MYOCD: variants seen among roughly 807,000 people sequenced by gnomAD.
MYOCD encodes the protein myocardin.
A neutral mutation model predicts 96.1 loss-of-function variants in MYOCD; 32 were observed. The observed-to-expected ratio is 0.33, with a 90% CI of 0.25 to 0.45. The LOEUF (loss-of-function observed/expected upper bound fraction) is 0.45. Among genes scored for constraint, MYOCD ranks in the 20% least tolerant of loss-of-function variants. The probability of loss-of-function intolerance (pLI) is 1.00; values close to 1 mark genes in which losing one functional copy is unlikely to be tolerated. For missense variants in MYOCD, 1,133 were observed against 1,200.6 expected (o/e 0.94, Z 0.83); for synonymous variants, 469 against 469.0 (o/e 1.00, Z 0.00).
intron 10 of MYOCD, among the ~76,000 whole-genome samples, chr17:12,755,258 G>A (rs1452070293): frequency 1.3e-5 from 2 of 152,174 alleles, no homozygotes; most frequent in African/African-American, 4.8e-5. Context: ...TGCTAACGTT[G>A]CACAGTGATT....
At chr17:12,700,145 G>A (rs536926170) in intron 1 of MYOCD, among the ~76,000 whole-genome samples, 13 of 151,834 alleles carry the variant, frequency 8.6e-5, no homozygotes, top group African/African-American at 2.7e-4. Flanking sequence ...TCCTGACCTC[G>A]TGATCCACTC....
intron 1 of MYOCD, among the ~76,000 whole-genome samples, chr17:12,698,116 A>G (rs1358815333): frequency 6.6e-6 from 1 of 152,178 alleles, no homozygotes; most frequent in Non-Finnish European, 1.5e-5. Context: ...AGCCACCGCA[A>G]GATGCTATAC....
chr17:12,754,656 C>G (rs776165121), intron 10 of MYOCD, among the ~76,000 whole-genome samples: 34 of 152,282 alleles, frequency 2.2e-4, no homozygotes, highest in Non-Finnish European at 3.7e-4. Context: ...GCAAAGGTGA[C>G]TGACAAAGAC....
intron 2 of MYOCD, among the ~76,000 whole-genome samples, chr17:12,711,274 G>C (rs1053245388): frequency 6.6e-6 from 1 of 152,064 alleles, no homozygotes; most frequent in African/African-American, 2.4e-5. Context: ...TTTATAAGTG[G>C]GAAACTGAGA....
Position 12,744,399 on chromosome 17 carries a change from C to T in MYOCD, c.934C>T (p.Arg312Ter). The stretch of plus-strand genomic sequence containing the variant: ...CCAGCAGCAGCAGCAGCAGCAACAC[C>T]GATTCAGCTACCTAGGGATGCACCA... ...LSQQQQQQQH[R>*]FSYLGMHQAQ... The change falls in exon 8 of 14, where the codon CGA becomes TGA. Residue 312 changes from arginine to a stop codon, truncating the protein, a stop_gained. Transcript: ENST00000425538. LOFTEE classifies it high-confidence loss of function. 6.2e-7 allele frequency: 1 copy of T among 1,613,688 alleles called. No homozygotes were observed. Among genetic ancestry groups the T allele is most frequent in the Non-Finnish European group, 8.5e-7 (1 of 1,179,774 alleles).
At chr17:12,716,654 A>C (rs1180084209) in intron 3 of MYOCD, among the ~76,000 whole-genome samples, 4 of 152,028 alleles carry the variant, frequency 2.6e-5, no homozygotes, top group African/African-American at 9.7e-5. Flanking sequence ...CAATGTTTTA[A>C]CTCTGGTCTT....
chr17:12,690,715 C>CTAAA (rs10689962), intron 1 of MYOCD, among the ~76,000 whole-genome samples: 10,226 of 152,172 alleles, frequency 0.067, 536 homozygotes, highest in Admixed American at 0.14. Context: ...ACATACTAGA[C>CTAAA]TATAGTCTCC....
intron 9 of MYOCD, among the ~76,000 whole-genome samples, chr17:12,751,536 T>C (rs1263095789): frequency 1.3e-5 from 2 of 152,208 alleles, no homozygotes; most frequent in African/African-American, 4.8e-5. Context: ...GATAAGATAA[T>C]TACAAGTGAA....
At chr17:12,758,047 A>G (rs779178760) in intron 11 of MYOCD, 38 bp from the exon 12 acceptor site, 5 of 1,446,352 alleles carry the variant, frequency 3.5e-6, no homozygotes, top group Non-Finnish European at 4.9e-6. Context: ...TTTCAGATCC[A>G]TGAATTCAAT....
At chr17:12,711,562 G>C (rs2031480386) in intron 2 of MYOCD, among the ~76,000 whole-genome samples, 1 of 152,134 alleles carries the variant, frequency 6.6e-6, no homozygotes, top group African/African-American at 2.4e-5. Context: ...TTACCAGCTA[G>C]TGCTTGTTGA....
At chr17:12,717,529 T>A in intron 4 of MYOCD, 108 bp downstream of exon 4, 1 of 887,690 alleles carries the variant, frequency 1.1e-6, no homozygotes, top group Non-Finnish European at 1.7e-6. Flanking sequence ...AAATCTCCCT[T>A]GCCGTTACAA....
Position 12,716,985 on chromosome 17 carries a change from CAAAAAAAAAAAAAAAAAAA to C in MYOCD, c.178-344_178-326del, listed in dbSNP as rs56992216. Among the ~76,000 whole-genome samples, 84 of 112,960 alleles carry C rather than the reference CAAAAAAAAAAAAAAAAAAA, an allele frequency of 7.4e-4. 3 individuals are homozygous for C. Among genetic ancestry groups the C allele is most frequent in the African/African-American group, 3.5e-3 (82 of 23,176 alleles). The allele number at this position is 112,960 out of a possible 152,430, so 74.1% of individuals were successfully genotyped here. A position where few individuals can be genotyped will look rare whatever the true frequency, so the allele number is the denominator to read the frequency against. On this transcript the variant is annotated intron_variant, in intron 3 of 13. Transcript: ENST00000425538. ...AGCCTGGATGACAGAGATGCTGTCT[CAAAAAAAAAAAAAAAAAAA>C]AAAAAAAAAAAAAAAAGGCAATGGA...
intron 1 of MYOCD, among the ~76,000 whole-genome samples, chr17:12,701,182 CAGGTGGATCACTTG>C (rs2031054869): frequency 6.6e-6 from 1 of 152,068 alleles, no homozygotes; most frequent in African/African-American, 2.4e-5. Flanking sequence ...GAGGCCAAGG[CAGGTGGATCACTTG>C]AGGTTAGGAG....
At chr17:12,751,170 A>T (rs2032842030) in intron 9 of MYOCD, among the ~76,000 whole-genome samples, 1 of 152,064 alleles carries the variant, frequency 6.6e-6, no homozygotes, top group African/African-American at 2.4e-5. Context: ...TTAATTACAA[A>T]CGTAATACGT....
intron 9 of MYOCD, among the ~76,000 whole-genome samples, chr17:12,749,678 C>T (rs897397373): frequency 8.4e-4 from 17 of 20,142 alleles, no homozygotes; most frequent in Admixed American, 2.1e-3. Flanking sequence ...TGTATATACA[C>T]ATACATATGT....
chr17:12,698,925 G>A, intron 1 of MYOCD, among the ~76,000 whole-genome samples: 1 of 151,200 alleles, frequency 6.6e-6, no homozygotes, highest in East Asian at 2.0e-4. Flanking sequence ...TGTATTTTTA[G>A]TAAAGACGGG....
At position 12,705,207 on chromosome 17, in the gene MYOCD, T is replaced by C; in HGVS notation, c.121+14T>C. 1 of 1,598,784 alleles carries C rather than the reference T, an allele frequency of 6.3e-7. No individual in the cohort carries two copies. Among genetic ancestry groups the C allele is most frequent in the Non-Finnish European group, 8.6e-7 (1 of 1,166,424 alleles). ...GCATAATACCACGTGAGTACCTGCA[T>C]CTCTTAATTACTGATATACATAGGG... On this transcript the variant is annotated intron_variant, in intron 2 of 13. Coordinates refer to ENST00000425538, the MANE Select transcript of MYOCD (RefSeq NM_001146312.3).
rs1016132228 is a variant in MYOCD, at chr17:12,687,668, C to T, written c.56-17460C>T. Reference sequence around the variant, plus strand: ...TTTATGTTCGAAAAAATTATCTGGTCAAACCATGTATTCTGGTGTTCTTTT... The same window carrying T: ...TTTATGTTCGAAAAAATTATCTGGTTAAACCATGTATTCTGGTGTTCTTTT... On this transcript the variant is annotated intron_variant, in intron 1 of 13. Coordinates refer to ENST00000425538, the MANE Select transcript of MYOCD (RefSeq NM_001146312.3). 2.6e-5 allele frequency among the ~76,000 whole-genome samples: 4 copies of T among 152,084 alleles called. No homozygotes were observed. In the South Asian group the frequency reaches 8.3e-4, roughly 31 times the overall value.
chr17:12,679,355 G>T (rs1057128225), intron 1 of MYOCD, among the ~76,000 whole-genome samples: 2 of 152,162 alleles, frequency 1.3e-5, no homozygotes, highest in Admixed American at 6.5e-5. Context: ...GATAGCAAAG[G>T]AATCCCTGGC....
Sources: gnomAD v4.1 joint callset for allele counts (sites outside exome capture counted in the v4.1 genomes callset) on GRCh38, gnomAD v4.1.1 for gene constraint, MANE v1.5 for transcripts, NCBI Gene and HGNC (gene_info 2026-07-23, HGNC 2026-07-21) for gene names.